ZMYM2: variants seen among roughly 807,000 people sequenced by gnomAD.
The protein encoded by ZMYM2 is zinc finger MYM-type containing 2, also known as zinc finger MYM-type protein 2.
In ZMYM2, 56 loss-of-function variants were observed where a neutral mutation model predicts 162.8. The observed-to-expected ratio is 0.34, with a 90% CI of 0.28 to 0.43. The LOEUF is 0.43. Among genes scored for constraint, ZMYM2 ranks in the 20% least tolerant of loss-of-function variants. The probability of loss-of-function intolerance (pLI) is 1.00; values close to 1 mark genes in which losing one functional copy is unlikely to be tolerated. For missense variants in ZMYM2, 1,275 were observed against 1,621.8 expected, an observed-to-expected ratio of 0.79 and a Z score of 3.67; for synonymous variants, 510 against 541.6, an observed-to-expected ratio of 0.94 and a Z score of 0.81.
chr13:20,061,371 A>ATCTACC, intron 17 of ZMYM2, 147 bp downstream of exon 17: 1 of 695,010 alleles, frequency 1.4e-6, no homozygotes, highest in Non-Finnish European at 2.0e-6. Flanking sequence ...TTTTATATTA[A>ATCTACC]GAGATCTACA....
At chr13:19,966,201 C>A (rs1462704550) in intron 2 of ZMYM2, among the ~76,000 whole-genome samples, 1 of 151,098 alleles carries the variant, frequency 6.6e-6, no homozygotes, top group South Asian at 2.1e-4. Context: ...ATGGTGCAAT[C>A]TCGGCTCAAC....
At chr13:19,869,917 G>C in the ZMYM2 span, among the ~76,000 whole-genome samples, 1 of 152,204 alleles carries the variant, frequency 6.6e-6, no homozygotes, top group Non-Finnish European at 1.5e-5. Flanking sequence ...AAAACTTAGT[G>C]GGTTAAAATA....
intron 2 of ZMYM2, among the ~76,000 whole-genome samples, chr13:19,983,086 C>A (rs1957491989): frequency 6.6e-6 from 1 of 151,666 alleles, no homozygotes; most frequent in Admixed American, 6.6e-5. Context: ...TCAGGTAAAT[C>A]TTCCGGGTCT....
At chr13:20,023,505 A>G (rs979972718) in intron 7 of ZMYM2, among the ~76,000 whole-genome samples, 1 of 152,156 alleles carries the variant, frequency 6.6e-6, no homozygotes, top group Non-Finnish European at 1.5e-5. Flanking sequence ...AATATAAGGT[A>G]CATCTTTTAA....
intron 13 of ZMYM2, among the ~76,000 whole-genome samples, chr13:20,051,995 T>TA (rs547958098): frequency 3.9e-5 from 6 of 152,088 alleles, no homozygotes; most frequent in East Asian, 1.9e-4. Flanking sequence ...GTAATTTTTT[T>TA]AAAAAAAATA....
At chr13:20,017,835 TATG>T (rs1951753734) in intron 6 of ZMYM2, among the ~76,000 whole-genome samples, 1 of 152,252 alleles carries the variant, frequency 6.6e-6, no homozygotes. Context: ...GGAGCACTTT[TATG>T]ATGACTGCTT....
chr13:19,875,774 G>A, the ZMYM2 span, among the ~76,000 whole-genome samples: 2 of 151,780 alleles, frequency 1.3e-5, no homozygotes, highest in Non-Finnish European at 2.9e-5. Flanking sequence ...TAAACATTGA[G>A]TACACATGGA....
the ZMYM2 span, among the ~76,000 whole-genome samples, chr13:19,929,898 T>C: frequency 6.6e-6 from 1 of 152,222 alleles, no homozygotes; most frequent in Non-Finnish European, 1.5e-5. Flanking sequence ...TAGTTATAGA[T>C]CTACTCAGTC....
chr13:20,038,501 A>C (rs1274948581), intron 12 of ZMYM2, among the ~76,000 whole-genome samples: 1 of 152,160 alleles, frequency 6.6e-6, no homozygotes, highest in Non-Finnish European at 1.5e-5. Context: ...TTAGCCAGTT[A>C]TCCCAGCACC....
intron 2 of ZMYM2, among the ~76,000 whole-genome samples, chr13:19,985,439 T>A (rs1399085749): frequency 6.6e-6 from 1 of 152,214 alleles, no homozygotes; most frequent in Non-Finnish European, 1.5e-5. Flanking sequence ...CATTGTTTTT[T>A]AAATCCCATT....
chr13:19,982,939 A>C (rs1461872603), intron 2 of ZMYM2, among the ~76,000 whole-genome samples: 1 of 152,128 alleles, frequency 6.6e-6, no homozygotes, highest in Non-Finnish European at 1.5e-5. Flanking sequence ...TTTTTAAAAA[A>C]ACCCTTACTG....
intron 6 of ZMYM2, among the ~76,000 whole-genome samples, chr13:20,016,527 G>C (rs2140126381): frequency 6.6e-6 from 1 of 152,142 alleles, no homozygotes; most frequent in South Asian, 2.1e-4. Context: ...TGTTTTGTAG[G>C]GTAGATTTAG....
intron 2 of ZMYM2, among the ~76,000 whole-genome samples, chr13:19,962,082 CAT>C (rs774034444): frequency 6.3e-4 from 96 of 152,272 alleles, no homozygotes; most frequent in Middle Eastern, 3.4e-3. Context: ...TTTTGTATCT[CAT>C]GTGGTGAGAC....
chr13:20,057,064 G>T (rs539374395), intron 14 of ZMYM2, among the ~76,000 whole-genome samples: 2 of 152,104 alleles, frequency 1.3e-5, no homozygotes, highest in Non-Finnish European at 2.9e-5. Flanking sequence ...CACACATTCT[G>T]CAGCTCCATC....
intron 10 of ZMYM2, among the ~76,000 whole-genome samples, chr13:20,032,595 C>CTTTTTTTTTTTTTTTTTTTTTTTTTTTTT (rs1566350627): frequency 3.1e-5 from 3 of 96,380 alleles, no homozygotes; most frequent in Non-Finnish European, 4.4e-5. Flanking sequence ...GATTTTTTTT[C>CTTTTTTTTTTTTTTTTTTTTTTTTTTTTT]TGTCTTTTTT....
At chr13:19,920,121 T>A in the ZMYM2 span, among the ~76,000 whole-genome samples, 1 of 152,184 alleles carries the variant, frequency 6.6e-6, no homozygotes, top group Non-Finnish European at 1.5e-5. Context: ...CGTATATTTT[T>A]AAAGTTATGT....
At position 20,011,583 on chromosome 13, in the gene ZMYM2, T is replaced by A. The variant is rs138604595; in HGVS notation, c.1512+4997T>A. Among the ~76,000 whole-genome samples, 420 of 150,920 alleles carry A rather than the reference T, an allele frequency of 2.8e-3. 3 individuals are homozygous for A. Among genetic ancestry groups the A allele is most frequent in the Middle Eastern group, 0.017 (5 of 294 alleles). Reference sequence around the variant, plus strand: ...AGTTTTTATTTTTTTGTTTTATTTTTTTTTTTTTTGAGGGGTGAAGGAGTC... The same window carrying A: ...AGTTTTTATTTTTTTGTTTTATTTTATTTTTTTTTGAGGGGTGAAGGAGTC... On this transcript the variant is annotated intron_variant, in intron 6 of 24. Coordinates refer to ENST00000610343, the MANE Select transcript of ZMYM2 (RefSeq NM_197968.4).
Position 20,006,510 on chromosome 13 carries a change from C to T in ZMYM2, c.1436C>T (p.Ala479Val). ...QCGEYLPSKG[A>V]GNNVLVIDGQ... ...GGAGAGTACTTGCCCAGTAAAGGTG[C>T]TGGAAATAATGTTCTGGTGATTGAT... is the stretch of plus-strand genomic sequence containing the variant. The change falls in exon 6 of 25, where the codon GCT becomes GTT. Residue 479 changes from alanine (A) to valine (V), a missense_variant. By Grantham distance (64) the Ala-to-Val change is moderately conservative (BLOSUM62 0). Transcript: ENST00000610343. The T allele has an allele frequency of 1.2e-6, 2 of 1,613,780 alleles. No homozygotes were observed. Among genetic ancestry groups the T allele is most frequent in the East Asian group, 2.2e-5 (1 of 44,846 alleles).
intron 5 of ZMYM2, 75 bp from the exon 6 acceptor site, chr13:20,006,298 CT>C: frequency 7.4e-7 from 1 of 1,351,356 alleles, no homozygotes; most frequent in Non-Finnish European, 9.8e-7. Context: ...ATCTTTATTT[CT>C]GTTCAGAATG....
Sources: gnomAD v4.1 joint callset for allele counts (sites outside exome capture counted in the v4.1 genomes callset) on GRCh38, gnomAD v4.1.1 for gene constraint, MANE v1.5 for transcripts, NCBI Gene and HGNC (gene_info 2026-07-23, HGNC 2026-07-21) for gene names.